USP6NL: variants seen among roughly 807,000 people sequenced by gnomAD.
The protein encoded by USP6NL is USP6 N-terminal like, also known as USP6 N-terminal-like protein.
USP6NL carries 26 observed loss-of-function variants against 61.9 expected under a neutral mutation model. That is an observed-to-expected ratio of 0.42 (90% confidence interval 0.31 to 0.58). The LOEUF is 0.58. USP6NL is among the 20% of genes least tolerant of loss of function. USP6NL has a pLI of 0.16. For synonymous variants in USP6NL, 432 were observed against 390.1 expected (o/e 1.11, Z -1.27); for missense variants, 1,114 against 1,034.3 (o/e 1.08, Z -1.06).
At chr10:11,475,578 A>G (rs1832937692) in intron 14 of USP6NL, among the ~76,000 whole-genome samples, 1 of 150,624 alleles carries the variant, frequency 6.6e-6, no homozygotes, top group Admixed American at 6.6e-5. Flanking sequence ...CCTGGGAAAC[A>G]AGAGCAAAAC....
intron 2 of USP6NL, among the ~76,000 whole-genome samples, chr10:11,542,916 T>C (rs1231914735): frequency 6.6e-6 from 1 of 152,046 alleles, no homozygotes; most frequent in East Asian, 1.9e-4. Flanking sequence ...GTCACCTCCT[T>C]TTTCACAATA....
rs1838284367 is a variant in USP6NL, at chr10:11,595,133, T to G, written c.4+2498A>C. Among the ~76,000 whole-genome samples, 1 of 152,186 alleles carries G rather than the reference T, an allele frequency of 6.6e-6. No homozygotes were observed. Among genetic ancestry groups the G allele is most frequent in the African/African-American group, 2.4e-5 (1 of 41,426 alleles). ...ATTGTTCTTTCTCTGTAGCTTCCCC[T>G]TCTTCACACAAACACACAGAAATAA... On this transcript the variant is annotated intron_variant, in intron 2 of 14. Transcript: ENST00000609104. This position sits in a 1 kb window ranked among gnomAD's most constrained non-coding sequence, Gnocchi z 5.3.
chr10:11,527,440 T>G, intron 3 of USP6NL, 60 bp downstream of exon 3: 1 of 1,479,680 alleles, frequency 6.8e-7, no homozygotes, highest in Non-Finnish European at 9.2e-7. Flanking sequence ...AGCAAATCCA[T>G]TTCTATTTAT....
chr10:11,586,957 G>A (rs1237274702), intron 2 of USP6NL, among the ~76,000 whole-genome samples: 1 of 152,058 alleles, frequency 6.6e-6, no homozygotes, highest in Non-Finnish European at 1.5e-5. Context: ...CAGCTGGAAG[G>A]TTTCCTTAAA....
At position 11,489,296 on chromosome 10, in the gene USP6NL, C is replaced by T; in HGVS notation, c.544-74G>A. 1 of 1,563,490 alleles carries T rather than the reference C, an allele frequency of 6.4e-7. No individual in the cohort carries two copies. Among genetic ancestry groups the T allele is most frequent in the Non-Finnish European group, 8.7e-7 (1 of 1,151,902 alleles). ...ATGCATATGTACAGAGAAAAAGCTA[C>T]TCTATAAAAACCAGAAAATGCCTAC... On this transcript the variant is annotated intron_variant, in intron 9 of 14. Transcript: ENST00000609104. This position sits in a 1 kb window ranked among gnomAD's most constrained non-coding sequence, Gnocchi z 5.7.
intron 2 of USP6NL, among the ~76,000 whole-genome samples, chr10:11,544,878 A>G (rs527877851): frequency 2.8e-4 from 42 of 152,366 alleles, no homozygotes; most frequent in South Asian, 1.0e-3. Context: ...CCATCAATTC[A>G]GTTATTAAAA....
chr10:11,544,659 T>C (rs746004414), intron 2 of USP6NL, among the ~76,000 whole-genome samples: 8 of 152,062 alleles, frequency 5.3e-5, no homozygotes, highest in Non-Finnish European at 1.0e-4. Flanking sequence ...GGCCAACCTT[T>C]TGTATTTTCA....
rs56709898 is a variant in USP6NL, at chr10:11,511,848, CA to C, written c.196-2174del. Among the ~76,000 whole-genome samples the C allele has an allele frequency of 1.3e-5, 2 of 151,860 alleles. No individual in the cohort carries two copies. Among genetic ancestry groups the C allele is most frequent in the East Asian group, 1.9e-4 (1 of 5,164 alleles). On this transcript the variant is annotated intron_variant, in intron 5 of 14. Coordinates refer to ENST00000609104, the MANE Select transcript of USP6NL (RefSeq NM_014688.5). The surrounding 1 kb of genome is among the most constrained non-coding windows in gnomAD (Gnocchi z 4.9). Reference sequence around the variant, plus strand: ...TATTATACACACACACACACACACACACCCCTTGGGAAGCTATAGGATCCGA... The same window carrying C: ...TATTATACACACACACACACACACACCCCCTTGGGAAGCTATAGGATCCGA...
intron 2 of USP6NL, among the ~76,000 whole-genome samples, chr10:11,558,126 C>T (rs1456200792): frequency 6.6e-6 from 1 of 152,182 alleles, no homozygotes; most frequent in Non-Finnish European, 1.5e-5. Flanking sequence ...TGACAAGACC[C>T]TATTTGCGAA....
chr10:11,577,356 G>A (rs1205266702), intron 2 of USP6NL, among the ~76,000 whole-genome samples: 4 of 151,926 alleles, frequency 2.6e-5, no homozygotes, highest in Non-Finnish European at 4.4e-5. Context: ...GAGCCACCAC[G>A]CCCAGCCTAG....
chr10:11,577,215 G>C (rs978545172), intron 2 of USP6NL, among the ~76,000 whole-genome samples: 6 of 151,222 alleles, frequency 4.0e-5, no homozygotes, highest in African/African-American at 1.5e-4. Context: ...CTGCCACCAG[G>C]CCAGATGCCA....
In USP6NL at chr10:11,540,738, AT is replaced by A. The variant is rs1836015185; in HGVS notation, c.5-13172del. 1.3e-5 allele frequency among the ~76,000 whole-genome samples: 2 copies of A among 152,326 alleles called. No homozygotes were observed. Among genetic ancestry groups the A allele is most frequent in the South Asian group, 4.1e-4 (2 of 4,830 alleles). ...AACATTTCTACCCTTTAAATAAAAA[AT>A]AATGTGCAAAAGCCAAACTGTGCCT... On this transcript the variant is annotated intron_variant, in intron 2 of 14. Transcript: ENST00000609104. The surrounding 1 kb of genome is among the most constrained non-coding windows in gnomAD (Gnocchi z 5.0).
At chr10:11,517,546 T>C (rs1415336895) in intron 5 of USP6NL, among the ~76,000 whole-genome samples, 1 of 152,214 alleles carries the variant, frequency 6.6e-6, no homozygotes, top group Non-Finnish European at 1.5e-5. Context: ...TGCTATTCAA[T>C]TATGTAGATA....
intron 2 of USP6NL, among the ~76,000 whole-genome samples, chr10:11,554,727 G>A (rs1184276687): frequency 1.3e-5 from 2 of 150,164 alleles, no homozygotes; most frequent in Non-Finnish European, 3.0e-5. Flanking sequence ...AAAATTACAA[G>A]GCATATGAAG....
rs775695126 is a variant in USP6NL, at chr10:11,462,885, C to T, written c.2043G>A (p.Pro681=). Residue 681 remains proline (P), a synonymous_variant, in exon 15 of 15, where the codon CCG becomes CCA. Coordinates refer to ENST00000609104, the MANE Select transcript of USP6NL (RefSeq NM_014688.5). ...HGSTLSVSAS[P]EKSYSRPSPL... is the part of the protein sequence containing the mutation. ...GGCTTGGGCGGCTGTAAGATTTCTC[C>T]GGAGAAGCACTGACGGAAAGAGTAG... 9 of 1,613,650 alleles carry T rather than the reference C, an allele frequency of 5.6e-6. No homozygotes were observed. The highest frequency in any genetic ancestry group is 5.5e-5 in the South Asian group (5 of 91,032).
chr10:11,568,149 T>TTGTGTG (rs35053647), intron 2 of USP6NL, among the ~76,000 whole-genome samples: 2,994 of 149,676 alleles, frequency 0.02, 37 homozygotes, highest in East Asian at 0.04. Context: ...CGGGAGGTAG[T>TTGTGTG]TGTGTGTGTG....
chr10:11,555,471 A>AAAAAG (rs1836674478), intron 2 of USP6NL, among the ~76,000 whole-genome samples: 1 of 62,226 alleles, frequency 1.6e-5, no homozygotes, highest in Non-Finnish European at 2.8e-5. Flanking sequence ...GAGAGAGAGA[A>AAAAAG]AGAGAGAGAG....
intron 1 of USP6NL, among the ~76,000 whole-genome samples, chr10:11,605,066 A>T (rs34278295): frequency 0.23 from 35,560 of 152,098 alleles, 4,716 homozygotes; most frequent in East Asian, 0.59. Context: ...CCTTATTTAA[A>T]AAAAGGAGGA....
intron 2 of USP6NL, among the ~76,000 whole-genome samples, chr10:11,538,241 CTTTT>C (rs967618706): frequency 3.3e-5 from 5 of 151,180 alleles, no homozygotes; most frequent in African/African-American, 1.2e-4. Flanking sequence ...ACAGAGAAGC[CTTTT>C]TTTTTCTCAA....
Sources: gnomAD v4.1 joint callset for allele counts (sites outside exome capture counted in the v4.1 genomes callset) on GRCh38, gnomAD v4.1.1 for gene constraint, Gnocchi (gnomAD v3.1) non-coding constraint, MANE v1.5 for transcripts, NCBI Gene and HGNC (gene_info 2026-07-23, HGNC 2026-07-21) for gene names.